Variants in LIPH observed in about 807,000 individuals in gnomAD.
The protein encoded by LIPH is lipase member H.
In LIPH, 32 loss-of-function variants were observed where a neutral mutation model predicts 47.6. That is an observed-to-expected ratio of 0.67 (90% confidence interval 0.51 to 0.90). The LOEUF (loss-of-function observed/expected upper bound fraction) is 0.90. Among genes scored for constraint, LIPH ranks in the 40% least tolerant of loss-of-function variants. The probability of loss-of-function intolerance (pLI) is 0.00; values close to 1 mark genes in which losing one functional copy is unlikely to be tolerated. For synonymous variants in LIPH, 190 were observed against 195.6 expected (o/e 0.97, Z 0.24); for missense variants, 497 against 541.4 (o/e 0.92, Z 0.81).
intron 1 of LIPH, among the ~76,000 whole-genome samples, chr3:185,550,001 C>T (rs568002901): frequency 5.3e-5 from 8 of 152,282 alleles, no homozygotes; most frequent in African/African-American, 1.7e-4. Context: ...GCTTTGTTCA[C>T]TGGTAAGATT....
chr3:185,508,802 C>A lies in LIPH; in HGVS notation c.1344G>T (p.Glu448Asp). 1.2e-6 allele frequency: 2 copies of A among 1,613,048 alleles called. No individual in the cohort carries two copies. Among genetic ancestry groups the A allele is most frequent in the Non-Finnish European group, 1.7e-6 (2 of 1,179,016 alleles). The change falls in exon 10 of 10, where the codon GAG becomes GAT. Residue 448 changes from glutamate (E) to aspartate (D), a missense_variant. Glu to Asp is a conservative substitution (Grantham distance 45). Transcript: ENST00000296252. ...ETVFQPILCP[E>D]LQL ...GTCCTGGCAACAGTTACAACTGCAA[C>A]TCTGGGCAAAGAATAGGTTGGAAGA...
At chr3:185,541,985 G>C (rs1436601412) in intron 1 of LIPH, among the ~76,000 whole-genome samples, 1 of 151,890 alleles carries the variant, frequency 6.6e-6, no homozygotes, top group Non-Finnish European at 1.5e-5. Flanking sequence ...TCGAACTCCC[G>C]ACCTCAGGTG....
At chr3:185,534,091 C>T (rs1272443060) in intron 2 of LIPH, among the ~76,000 whole-genome samples, 3 of 152,160 alleles carry the variant, frequency 2.0e-5, no homozygotes, top group Non-Finnish European at 4.4e-5. Flanking sequence ...GGCGCAGTGG[C>T]TCACGCCTGT....
In LIPH at chr3:185,524,130, A is replaced by G. The variant is rs760042144; in HGVS notation, c.659T>C (p.Ile220Thr). ...ALGYKEPLGNIDFYPNGGLDQ... is the reference protein window; with the variant it reads ...ALGYKEPLGNTDFYPNGGLDQ... ...CAATCCTCCATTTGGGTAGAAGTCT[A>G]TGTTTCCTAATGGCTCCTTGTAGCC... Residue 220 changes from isoleucine (I) to threonine (T), a missense_variant, in exon 5 of 10, where the codon ATA (isoleucine) becomes ACA (threonine). Physicochemically the swap from Ile to Thr is moderately conservative, Grantham distance 89. Coordinates refer to ENST00000296252, the MANE Select transcript of LIPH (RefSeq NM_139248.3). The G allele has an allele frequency of 1.9e-5, 30 of 1,612,910 alleles. No homozygotes were observed. The highest frequency in any genetic ancestry group is 1.2e-4 in the African/African-American group (9 of 74,898).
chr3:185,534,246 C>T (rs543831311), intron 2 of LIPH, among the ~76,000 whole-genome samples: 1 of 152,114 alleles, frequency 6.6e-6, no homozygotes, highest in Non-Finnish European at 1.5e-5. Flanking sequence ...GTCCCAGCTA[C>T]TCGGGGGGCT....
intron 8 of LIPH, among the ~76,000 whole-genome samples, chr3:185,512,487 C>CTT (rs549114120): frequency 9.2e-5 from 12 of 130,962 alleles, no homozygotes; most frequent in African/African-American, 2.0e-4. Context: ...GACATTAATC[C>CTT]TTTTTTTTTT....
rs1368717012 is a variant in LIPH, at chr3:185,533,630, C to G, written c.467G>C (p.Gly156Ala). The G allele has an allele frequency of 2.5e-6, 4 of 1,613,938 alleles. No individual in the cohort carries two copies. The highest frequency in any genetic ancestry group is 3.4e-6 in the Non-Finnish European group (4 of 1,179,952). Reference sequence around the variant, plus strand: ...TCCAACAAACCCAGATATGTGGGCTCCTAGACTTACTCCGATCATGTAAAT... The same window carrying G: ...TCCAACAAACCCAGATATGTGGGCTGCTAGACTTACTCCGATCATGTAAAT... ...DDIYMIGVSL[G>A]AHISGFVGEM... is the part of the protein sequence containing the mutation. The change falls in exon 3 of 10, where the codon GGA becomes GCA. Residue 156 changes from glycine (G) to alanine (A), a missense_variant. By Grantham distance (60) the Gly-to-Ala change is moderately conservative. Coordinates refer to ENST00000296252, the MANE Select transcript of LIPH (RefSeq NM_139248.3).
intron 7 of LIPH, among the ~76,000 whole-genome samples, chr3:185,516,199 A>G (rs1485742110): frequency 6.6e-6 from 1 of 152,102 alleles, no homozygotes; most frequent in Non-Finnish European, 1.5e-5. Context: ...TTGAGAGGCC[A>G]AGGCAGGCAG....
chr3:185,519,082 G>A (rs766591395), intron 6 of LIPH, 60 bp downstream of exon 6: 46 of 1,409,776 alleles, frequency 3.3e-5, no homozygotes, highest in Non-Finnish European at 4.2e-5. Context: ...AGTGGTTCTG[G>A]GATTCATACC....
At chr3:185,525,084 G>A (rs1720027089) in intron 4 of LIPH, among the ~76,000 whole-genome samples, 1 of 152,074 alleles carries the variant, frequency 6.6e-6, no homozygotes, top group South Asian at 2.1e-4. Flanking sequence ...GCATTGTGGT[G>A]TGTGCCTGTA....
intron 1 of LIPH, among the ~76,000 whole-genome samples, chr3:185,540,439 T>C (rs1197318736): frequency 1.3e-5 from 2 of 152,106 alleles, no homozygotes; most frequent in Non-Finnish European, 2.9e-5. Context: ...TATTTAAGGC[T>C]GGGCCTGGTG....
rs1048326961 is a variant in LIPH at position 185,508,435 on chromosome 3, C to T, written c.*355G>A. 4 of 303,226 alleles carry T rather than the reference C, an allele frequency of 1.3e-5. No individual in the cohort carries two copies. The highest frequency in any genetic ancestry group is 4.3e-5 in the Admixed American group (1 of 23,086). 18.8% of individuals were successfully genotyped at this position (303,226 alleles called of 1,614,324 possible). On this transcript the variant is annotated 3_prime_UTR_variant, in exon 10 of 10. Coordinates refer to ENST00000296252, the MANE Select transcript of LIPH (RefSeq NM_139248.3). ...TGAGTCCACGGTGAGGCCTCCAGTCCGTCCTTCCCTTGAAGATGCTTGACC... is the reference window on the plus strand; with the variant it reads ...TGAGTCCACGGTGAGGCCTCCAGTCTGTCCTTCCCTTGAAGATGCTTGACC...
chr3:185,527,389 A>G (rs1328236963), intron 4 of LIPH, 95 bp downstream of exon 4: 2 of 903,244 alleles, frequency 2.2e-6, no homozygotes, highest in East Asian at 4.8e-5. Flanking sequence ...TAGAATCTAG[A>G]GGAACCTGAT....
chr3:185,540,589 G>A (rs572093653), intron 1 of LIPH, among the ~76,000 whole-genome samples: 32 of 152,104 alleles, frequency 2.1e-4, no homozygotes, highest in African/African-American at 7.0e-4. Context: ...ATGGTGGCGT[G>A]CGCCTGTAGT....
At chr3:185,538,922 TATACAC>T in intron 1 of LIPH, among the ~76,000 whole-genome samples, 4 of 146,482 alleles carry the variant, frequency 2.7e-5, no homozygotes, top group Admixed American at 7.0e-5. Flanking sequence ...TATATACACA[TATACAC>T]ATATATACAT....
intron 1 of LIPH, among the ~76,000 whole-genome samples, chr3:185,536,548 T>C (rs658287): frequency 0.92 from 139,969 of 152,174 alleles, 64,711 homozygotes; most frequent in East Asian, 0.99. Flanking sequence ...CTTGGGGTCC[T>C]TGCCCATCTT....
At chr3:185,529,701 G>A (rs1187238275) in intron 3 of LIPH, among the ~76,000 whole-genome samples, 2 of 150,406 alleles carry the variant, frequency 1.3e-5, no homozygotes, top group South Asian at 2.1e-4. Context: ...ACCAGCCTGG[G>A]CAACATACGG....
chr3:185,519,020 A>G (rs750639535), intron 6 of LIPH, 122 bp downstream of exon 6: 19 of 833,968 alleles, frequency 2.3e-5, no homozygotes, highest in Non-Finnish European at 3.5e-5. Context: ...CACTGTGCCC[A>G]GCAGAAAAAC....
chr3:185,522,698 G>C (rs1226063606), intron 5 of LIPH, among the ~76,000 whole-genome samples: 1 of 136,804 alleles, frequency 7.3e-6, no homozygotes, highest in Non-Finnish European at 1.6e-5. Context: ...AAGAAAGAAA[G>C]AAAGGTGGCC....
Sources: allele counts gnomAD v4.1 joint callset (sites outside exome capture counted in the v4.1 genomes callset), GRCh38; gene constraint gnomAD v4.1.1; transcripts MANE v1.5; gene names NCBI Gene and HGNC (gene_info 2026-07-23, HGNC 2026-07-21).